KCNIP4: variants seen among roughly 807,000 people sequenced by gnomAD.
The protein encoded by KCNIP4 is Kv channel-interacting protein 4.
Under a neutral mutation model 34.0 loss-of-function variants are expected in KCNIP4, and 12 were observed. The ratio of observed to expected loss-of-function variants is 0.35; its 90% CI spans 0.23 to 0.57. KCNIP4 has a LOEUF of 0.57. Ranked by LOEUF, KCNIP4 falls within the 20% of genes least tolerant of loss-of-function variation. The pLI is 0.83. For missense variants in KCNIP4, 238 were observed against 311.7 expected (o/e 0.76, Z 1.78); for synonymous variants, 124 against 102.2 (o/e 1.21, Z -1.29).
chr4:21,906,766 G>T (rs537779040), intron 1 of KCNIP4, among the ~76,000 whole-genome samples: 29 of 152,200 alleles, frequency 1.9e-4, no homozygotes, highest in African/African-American at 6.7e-4. Context: ...TGCATACCCT[G>T]CCCTGATAAC....
rs767593432 is a variant in KCNIP4 at position 21,275,652 on chromosome 4, A to AG, written c.62-392944_62-392943insC. Among the ~76,000 whole-genome samples the AG allele has an allele frequency of 4.7e-3, 711 of 152,336 alleles. 4 individuals are homozygous for AG. Among genetic ancestry groups the AG allele is most frequent in the Middle Eastern group, 0.024 (7 of 294 alleles). On this transcript the variant is annotated intron_variant, in intron 1 of 8. Coordinates refer to ENST00000382152, the MANE Select transcript of KCNIP4 (RefSeq NM_025221.6). Reference sequence around the variant, plus strand: ...CTGAGCAAGGAAATCTAGCATAACAATAAATAGTAGATGGCTGGGACAAAA... The same window carrying AG: ...CTGAGCAAGGAAATCTAGCATAACAAGTAAATAGTAGATGGCTGGGACAAAA...
chr4:21,618,263 C>A (rs1744737155), intron 1 of KCNIP4, among the ~76,000 whole-genome samples: 1 of 152,002 alleles, frequency 6.6e-6, no homozygotes, highest in African/African-American at 2.4e-5. Context: ...GCTCTTCAAG[C>A]CTGTGATTTC....
In KCNIP4 at chr4:21,612,086, A is replaced by G. The variant is rs189322551; in HGVS notation, c.61+336485T>C. Among the ~76,000 whole-genome samples the G allele has an allele frequency of 1.2e-4, 18 of 152,336 alleles. 1 individual carries two copies. In the East Asian group the frequency reaches 3.5e-3, roughly 29 times the overall value. On this transcript the variant is annotated intron_variant, in intron 1 of 8. Coordinates refer to ENST00000382152, the MANE Select transcript of KCNIP4 (RefSeq NM_025221.6). ...TCAAAGTGTGGGATATACGCCTGTC[A>G]ACTCAGAGTTAGAATTGAATGTTTG...
intron 3 of KCNIP4, among the ~76,000 whole-genome samples, chr4:20,837,429 C>G (rs972816101): frequency 6.6e-6 from 1 of 151,852 alleles, no homozygotes; most frequent in African/African-American, 2.4e-5. Context: ...TATTAATGAA[C>G]ACATTTAAAT....
At chr4:21,871,231 C>T (rs1034159244) in intron 1 of KCNIP4, among the ~76,000 whole-genome samples, 7 of 139,792 alleles carry the variant, frequency 5.0e-5, no homozygotes, top group African/African-American at 1.9e-4. Context: ...TCTCCTAATG[C>T]TATCCCTCCC....
intron 1 of KCNIP4, among the ~76,000 whole-genome samples, chr4:21,434,747 T>A (rs901182565): frequency 1.9e-5 from 2 of 103,692 alleles, no homozygotes; most frequent in Non-Finnish European, 4.1e-5. Context: ...CCCGCCCCCC[T>A]CCCCACAACC....
chr4:21,390,908 G>A lies in KCNIP4; in HGVS notation c.62-508199C>T, dbSNP rs1311926519. On this transcript the variant is annotated intron_variant, in intron 1 of 8. Transcript: ENST00000382152. Reference sequence around the variant, plus strand: ...TGTCAGATATTTTTCCAAAGTAAATGCATCATTTTACATTCCTGCCAACAG... The same window carrying A: ...TGTCAGATATTTTTCCAAAGTAAATACATCATTTTACATTCCTGCCAACAG... Among the ~76,000 whole-genome samples the A allele has an allele frequency of 5.3e-5, 8 of 152,150 alleles. No individual in the cohort carries two copies. The South Asian group carries it at 8.3e-4, about 16-fold the overall frequency.
intron 1 of KCNIP4, among the ~76,000 whole-genome samples, chr4:21,681,588 T>C (rs546332849): frequency 1.1e-3 from 173 of 152,340 alleles, no homozygotes; most frequent in African/African-American, 3.7e-3. Flanking sequence ...CTTCAAACTT[T>C]CTTCTGCAGC....
intron 1 of KCNIP4, among the ~76,000 whole-genome samples, chr4:21,232,233 C>G (rs1758845456): frequency 6.6e-6 from 1 of 152,070 alleles, no homozygotes; most frequent in Admixed American, 6.6e-5. Flanking sequence ...CTGTGTCACT[C>G]TGAAAAAGGT....
intron 1 of KCNIP4, among the ~76,000 whole-genome samples, chr4:21,610,136 T>G (rs1310632768): frequency 6.6e-6 from 1 of 152,230 alleles, no homozygotes; most frequent in Non-Finnish European, 1.5e-5. Flanking sequence ...GTCATGCCCT[T>G]CGGGCAATTT....
At chr4:21,870,883 C>T (rs1189207023) in intron 1 of KCNIP4, among the ~76,000 whole-genome samples, 6 of 151,852 alleles carry the variant, frequency 4.0e-5, no homozygotes, top group Admixed American at 1.3e-4. Flanking sequence ...GCACATGAAG[C>T]AATTAACATA....
intron 1 of KCNIP4, among the ~76,000 whole-genome samples, chr4:21,465,283 CT>C (rs1560432213): frequency 1.3e-5 from 2 of 152,034 alleles, no homozygotes; most frequent in African/African-American, 4.8e-5. Flanking sequence ...GCCAATCCTA[CT>C]GACAGCAGCT....
intron 3 of KCNIP4, among the ~76,000 whole-genome samples, chr4:20,760,579 T>A (rs1754874556): frequency 6.6e-6 from 1 of 152,184 alleles, no homozygotes; most frequent in East Asian, 1.9e-4. Flanking sequence ...GAATTTGTGT[T>A]TACAGAGCTT....
chr4:21,613,822 C>G (rs1222539303), intron 1 of KCNIP4: 1 of 151,974 alleles, frequency 6.6e-6, no homozygotes, highest in African/African-American at 2.4e-5. Flanking sequence ...CTCAATGGAT[C>G]CAGGTAGGGC....
At position 21,304,063 on chromosome 4, in the gene KCNIP4, G is replaced by GAGAGAGAGAGAGAGAGAGAGAGAGAGAC. The variant is rs1560272464; in HGVS notation, c.62-421355_62-421354insGTCTCTCTCTCTCTCTCTCTCTCTCTCT. On this transcript the variant is annotated intron_variant, in intron 1 of 8. Transcript: ENST00000382152. ...AGAGAGAGAGAGAGAGAGAGAGAGA[G>GAGAGAGAGAGAGAGAGAGAGAGAGAGAC]AGAGACAGAGAGAGAGAGAGAGACA... The GAGAGAGAGAGAGAGAGAGAGAGAGAGAC allele has an allele frequency of 4.1e-5, 15 of 362,518 alleles. No homozygotes were observed. In the African/African-American group the frequency reaches 7.1e-4, roughly 17 times the overall value. The allele number at this position is 362,518 out of a possible 1,614,324, so 22.5% of individuals were successfully genotyped here.
intron 1 of KCNIP4, among the ~76,000 whole-genome samples, chr4:21,027,681 T>C (rs1324525819): frequency 1.3e-5 from 2 of 151,692 alleles, no homozygotes; most frequent in Admixed American, 1.3e-4. Context: ...ATTGTTCTTT[T>C]GTTTTAATTG....
chr4:20,801,288 C>CA (rs34342812), intron 3 of KCNIP4, among the ~76,000 whole-genome samples: 15,660 of 106,210 alleles, frequency 0.15, 1,275 homozygotes, highest in African/African-American at 0.3. Flanking sequence ...GGAAGTTTTT[C>CA]AAAAAAAAAA....
intron 1 of KCNIP4, among the ~76,000 whole-genome samples, chr4:21,482,981 A>G (rs1247592120): frequency 1.3e-5 from 2 of 151,216 alleles, no homozygotes; most frequent in Non-Finnish European, 1.5e-5. Context: ...TCAGCAAAGT[A>G]TAGCAAGGAC....
intron 3 of KCNIP4, among the ~76,000 whole-genome samples, chr4:20,843,750 A>AACAAG (rs1189310547): frequency 6.6e-6 from 1 of 152,198 alleles, no homozygotes; most frequent in Non-Finnish European, 1.5e-5. Context: ...AACAAAACAA[A>AACAAG]ACAAAAAATT....
Sources: gnomAD v4.1 joint callset for allele counts (sites outside exome capture counted in the v4.1 genomes callset) on GRCh38, gnomAD v4.1.1 for gene constraint, MANE v1.5 for transcripts, NCBI Gene and HGNC (gene_info 2026-07-23, HGNC 2026-07-21) for gene names.